Variants in MROH2B observed in about 807,000 individuals in gnomAD.
MROH2B encodes maestro heat-like repeat-containing protein family member 2B.
Under a neutral mutation model 208.6 loss-of-function variants are expected in MROH2B, and 177 were observed. That is an observed-to-expected ratio of 0.85 (90% CI 0.75 to 0.96). The LOEUF (loss-of-function observed/expected upper bound fraction) is 0.96, where lower values mean the gene tolerates loss of function less well. MROH2B is among the 40% of genes least tolerant of loss of function. The pLI, the probability that MROH2B is intolerant of heterozygous loss-of-function variation, is 0.00. For synonymous variants in MROH2B, 728 were observed against 659.0 expected, an observed-to-expected ratio of 1.10 and a Z score of -1.60; for missense variants, 2,002 against 1,878.7, an observed-to-expected ratio of 1.07 and a Z score of -1.21.
At chr5:41,028,744 C>T (rs1014499733) in intron 24 of MROH2B, among the ~76,000 whole-genome samples, 5 of 152,046 alleles carry the variant, frequency 3.3e-5, no homozygotes, top group Non-Finnish European at 7.4e-5. Context: ...TATATCTGTG[C>T]TATTGTTAAT....
chr5:41,005,137 C>A, intron 35 of MROH2B: 1 of 582,560 alleles, frequency 1.7e-6, no homozygotes, highest in Non-Finnish European at 3.0e-6. Context: ...ACCCGGTTAC[C>A]TGCATAACAG....
chr5:41,070,269 A>AAGCCTT (rs1341818221), intron 1 of MROH2B, among the ~76,000 whole-genome samples: 1 of 152,178 alleles, frequency 6.6e-6, no homozygotes, highest in Non-Finnish European at 1.5e-5. Flanking sequence ...CTGTTTTCTG[A>AAGCCTT]CAATGACCTA....
intron 35 of MROH2B, 110 bp downstream of exon 35, chr5:41,005,421 C>CG (rs1397163544): frequency 2.3e-5 from 5 of 216,650 alleles, no homozygotes; most frequent in South Asian, 9.0e-5. Context: ...AAACCCCCCC[C>CG]CCCCTTGAAG....
At chr5:41,042,035 A>G in intron 19 of MROH2B, 57 bp downstream of exon 19, 1 of 903,070 alleles carries the variant, frequency 1.1e-6, no homozygotes, top group Non-Finnish European at 1.7e-6. Flanking sequence ...GGTTTTGTGG[A>G]TAGGATTAGT....
intron 31 of MROH2B, among the ~76,000 whole-genome samples, chr5:41,009,652 C>T (rs1160078031): frequency 6.6e-6 from 1 of 152,074 alleles, no homozygotes; most frequent in Non-Finnish European, 1.5e-5. Context: ...TCTAGGCCAC[C>T]AGAAAGAGGA....
chr5:41,032,738 C>G lies in MROH2B; in HGVS notation c.2441+4G>C, dbSNP rs780204565. On this transcript the variant is annotated splice_donor_region_variant and intron_variant, in intron 24 of 41. Transcript: ENST00000399564. ...TTCAATGAAAACAACTAAAAATTAT[C>G]TACCTGAGATACCTAATGGCGATTA... The G allele has an allele frequency of 2.5e-6, 4 of 1,610,044 alleles. No homozygotes were observed. The highest frequency in any genetic ancestry group is 3.4e-6 in the Non-Finnish European group (4 of 1,177,534).
chr5:41,021,798 G>A (rs1438969233), intron 24 of MROH2B, among the ~76,000 whole-genome samples: 3 of 152,048 alleles, frequency 2.0e-5, no homozygotes, highest in Non-Finnish European at 4.4e-5. Context: ...AATCACTTGA[G>A]CCCAGGAGGT....
chr5:41,022,403 T>C (rs534506735), intron 24 of MROH2B, among the ~76,000 whole-genome samples: 1 of 152,016 alleles, frequency 6.6e-6, no homozygotes, highest in Non-Finnish European at 1.5e-5. Flanking sequence ...GGAGATTATA[T>C]CCCGCGCCTG....
At chr5:41,037,105 T>C (rs1742790650) in intron 21 of MROH2B, among the ~76,000 whole-genome samples, 1 of 152,128 alleles carries the variant, frequency 6.6e-6, no homozygotes, top group Non-Finnish European at 1.5e-5. Flanking sequence ...GGACTAATGG[T>C]ATGTACCACC....
intron 15 of MROH2B, 139 bp from the exon 16 acceptor site, chr5:41,048,604 T>C (rs1743194788): frequency 3.9e-6 from 4 of 1,014,558 alleles, no homozygotes; most frequent in Non-Finnish European, 5.4e-6. Context: ...AGTCTATTCT[T>C]ATTTATTCTA....
chr5:41,058,074 G>A lies in MROH2B; in HGVS notation c.745C>T (p.His249Tyr), dbSNP rs1374058264. ...NQYKDKEIDF[H>Y]VTQSLKQILT... is the part of the protein sequence containing the mutation. ...GGTATGGCTCTTACCTGAGTGACAT[G>A]GAAATCAATCTCTTTGTCTTTATAC... The change falls in exon 7 of 42, where the codon CAT becomes TAT. Residue 249 changes from histidine to tyrosine, a missense_variant. Physicochemically the swap from His to Tyr is moderately conservative, Grantham distance 83. Transcript: ENST00000399564. 18 of 1,590,990 alleles carry A rather than the reference G, an allele frequency of 1.1e-5. No homozygotes were observed. Among genetic ancestry groups the A allele is most frequent in the Non-Finnish European group, 1.5e-5 (18 of 1,168,526 alleles).
intron 24 of MROH2B, among the ~76,000 whole-genome samples, chr5:41,021,166 C>G: frequency 6.6e-6 from 1 of 151,892 alleles, no homozygotes; most frequent in East Asian, 1.9e-4. Context: ...AAGAAATGAA[C>G]AAACTGAAAA....
At position 41,004,860 on chromosome 5, in the gene MROH2B, C is replaced by G; in HGVS notation, c.3925G>C (p.Asp1309His). Residue 1309 changes from aspartate (D) to histidine (H), a missense_variant, in exon 36 of 42, where the codon GAT becomes CAT. Transcript: ENST00000399564. The part of the protein sequence containing the change: ...GNLRNVLILM[D>H]QSAWDSNATL... ...GCGTTGGAGTCCCAGGCACTTTGAT[C>G]CATCAAGATCAGCACATTTCGCAGA... The G allele has an allele frequency of 6.2e-7, 1 of 1,614,026 alleles. No homozygotes were observed.
chr5:41,053,067 A>C (rs1296553317), intron 11 of MROH2B, among the ~76,000 whole-genome samples: 1 of 152,198 alleles, frequency 6.6e-6, no homozygotes, highest in Non-Finnish European at 1.5e-5. Flanking sequence ...TCTCAAAGGC[A>C]TATTGTCTAT....
chr5:41,021,526 T>C (rs1396591019), intron 24 of MROH2B, among the ~76,000 whole-genome samples: 1 of 152,204 alleles, frequency 6.6e-6, no homozygotes, highest in African/African-American at 2.4e-5. Context: ...TTATACTTAC[T>C]GATTTCAAAA....
At chr5:41,037,465 C>G (rs1026097064) in intron 21 of MROH2B, among the ~76,000 whole-genome samples, 1 of 152,150 alleles carries the variant, frequency 6.6e-6, no homozygotes, top group African/African-American at 2.4e-5. Flanking sequence ...CATTAGGCAT[C>G]TCTATTTTTG....
intron 6 of MROH2B, among the ~76,000 whole-genome samples, chr5:41,060,920 C>T (rs1743618252): frequency 1.3e-5 from 2 of 152,094 alleles, no homozygotes; most frequent in Non-Finnish European, 2.9e-5. Flanking sequence ...AAGTGTTAAA[C>T]CTTTTATAAT....
Position 41,061,551 on chromosome 5 carries a change from C to T in MROH2B, c.615+19G>A, listed in dbSNP as rs1244071979. The T allele has an allele frequency of 1.9e-6, 3 of 1,586,932 alleles. No individual in the cohort carries two copies. The highest frequency in any genetic ancestry group is 2.7e-5 in the African/African-American group (2 of 74,028). On this transcript the variant is annotated intron_variant, in intron 6 of 41. Coordinates refer to ENST00000399564, the MANE Select transcript of MROH2B (RefSeq NM_173489.5). ...GCATATAGGGACATCCAGCTTGAGGCATCCTGAGGCCCACTCACCTGCATG... is the reference window on the plus strand; with the variant it reads ...GCATATAGGGACATCCAGCTTGAGGTATCCTGAGGCCCACTCACCTGCATG...
chr5:41,034,842 C>A (rs563037445), intron 21 of MROH2B, among the ~76,000 whole-genome samples: 1 of 152,110 alleles, frequency 6.6e-6, no homozygotes, highest in East Asian at 1.9e-4. Flanking sequence ...AACATAATCT[C>A]ATTTACAATA....
Sources: gnomAD v4.1 joint callset for allele counts (sites outside exome capture counted in the v4.1 genomes callset) on GRCh38, gnomAD v4.1.1 for gene constraint, MANE v1.5 for transcripts, NCBI Gene and HGNC (gene_info 2026-07-23, HGNC 2026-07-21) for gene names.